The following WWP1 variants were observed in gnomAD, a reference collection of about 807,000 sequenced individuals.
The protein encoded by WWP1 is WW domain containing E3 ubiquitin protein ligase 1.
A neutral mutation model predicts 130.6 loss-of-function variants in WWP1; 49 were observed. The ratio of observed to expected loss-of-function variants is 0.38; its 90% confidence interval spans 0.30 to 0.48. The LOEUF (loss-of-function observed/expected upper bound fraction) is 0.48. WWP1 is among the 20% of genes least tolerant of loss of function. The pLI is 0.99. For synonymous variants in WWP1, 332 were observed against 367.8 expected, an observed-to-expected ratio of 0.90 and a Z score of 1.11; for missense variants, 809 against 1,100.6, an observed-to-expected ratio of 0.74 and a Z score of 3.75.
chr8:86,413,404 A>T (rs1808698309), intron 9 of WWP1, among the ~76,000 whole-genome samples: 1 of 152,144 alleles, frequency 6.6e-6, no homozygotes, highest in South Asian at 2.1e-4. Context: ...AGGGGAAGAG[A>T]AGTAGACAAT....
chr8:86,358,137 A>G (rs1277388627), intron 1 of WWP1, among the ~76,000 whole-genome samples: 1 of 152,206 alleles, frequency 6.6e-6, no homozygotes, highest in Non-Finnish European at 1.5e-5. Flanking sequence ...TTGAGTATTT[A>G]ATAAGTCAAA....
At chr8:86,386,346 C>T (rs1825284833) in intron 5 of WWP1, among the ~76,000 whole-genome samples, 1 of 152,090 alleles carries the variant, frequency 6.6e-6, no homozygotes, top group South Asian at 2.1e-4. Flanking sequence ...GAGTTCAAGG[C>T]TGCAGTGAAC....
intron 1 of WWP1, among the ~76,000 whole-genome samples, chr8:86,347,312 T>C (rs1431200836): frequency 6.6e-6 from 1 of 152,228 alleles, no homozygotes; most frequent in South Asian, 2.1e-4. Flanking sequence ...ATGAATATGC[T>C]GAGGCTAAAA....
chr8:86,371,903 G>T (rs1053388427), intron 2 of WWP1, among the ~76,000 whole-genome samples: 1 of 151,380 alleles, frequency 6.6e-6, no homozygotes, highest in Non-Finnish European at 1.5e-5. Flanking sequence ...GTGTAGTGAC[G>T]TGACCTCAGC....
intron 18 of WWP1, among the ~76,000 whole-genome samples, chr8:86,446,049 T>C (rs951487561): frequency 2.8e-5 from 4 of 143,150 alleles, no homozygotes; most frequent in African/African-American, 1.0e-4. Context: ...TGGCATGATC[T>C]CAGCTCACTG....
intron 5 of WWP1, among the ~76,000 whole-genome samples, chr8:86,385,269 G>C (rs950659339): frequency 2.0e-5 from 3 of 152,180 alleles, no homozygotes; most frequent in Non-Finnish European, 4.4e-5. Flanking sequence ...GGCTCCAGTG[G>C]AGGGATGTTC....
At chr8:86,439,834 C>G (rs1290325915) in intron 17 of WWP1, among the ~76,000 whole-genome samples, 1 of 152,138 alleles carries the variant, frequency 6.6e-6, no homozygotes, top group East Asian at 1.9e-4. Context: ...AGAATTCAAA[C>G]TTGCTTTTCA....
Position 86,467,565 on chromosome 8 carries a change from C to CTAT in WWP1, c.*674_*676dup, listed in dbSNP as rs1482890508. Reference sequence around the variant, plus strand: ...TGAAAGTCATATACTAGATCCAATACTATTTAGTTTATTATCGAAATTGGA... The same window carrying CTAT: ...TGAAAGTCATATACTAGATCCAATACTATTATTTAGTTTATTATCGAAATTGGA... On this transcript the variant is annotated 3_prime_UTR_variant, in exon 25 of 25. Coordinates refer to ENST00000517970, the MANE Select transcript of WWP1 (RefSeq NM_007013.4). The CTAT allele has an allele frequency of 1.3e-5, 2 of 152,146 alleles. No individual in the cohort carries two copies. The highest frequency in any genetic ancestry group is 2.9e-5 in the Non-Finnish European group (2 of 67,950). 9.4% of individuals were successfully genotyped at this position (152,146 alleles called of 1,614,324 possible). A position where few individuals can be genotyped will look rare whatever the true frequency, so the allele number is the denominator to read the frequency against.
chr8:86,435,485 C>T lies in WWP1; in HGVS notation c.1635C>T (p.Arg545=), dbSNP rs139712565. The T allele has an allele frequency of 1.2e-5, 19 of 1,614,054 alleles. No individual in the cohort carries two copies. The highest frequency in any genetic ancestry group is 9.9e-5 in the South Asian group (9 of 91,070). Residue 545 remains arginine, a synonymous_variant, in exon 15 of 25, where the codon CGC becomes CGT. Transcript: ENST00000517970. The part of the protein sequence containing the change: ...TKGGPQIAYE[R]GFRWKLAHFR... ...GTGGTCCACAAATTGCTTATGAACGCGGCTTTAGGTGGAAGCTTGCTCACT... is the reference window on the plus strand; with the variant it reads ...GTGGTCCACAAATTGCTTATGAACGTGGCTTTAGGTGGAAGCTTGCTCACT...
chr8:86,431,720 T>G lies in WWP1; in HGVS notation c.1578T>G (p.Asp526Glu). The G allele has an allele frequency of 1.2e-6, 2 of 1,613,908 alleles. No homozygotes were observed. The highest frequency in any genetic ancestry group is 1.7e-6 in the Non-Finnish European group (2 of 1,179,886). ...DHNTRTTTFK[D>E]PRNGKSSVTK... Reference sequence around the variant, plus strand: ...ACACAAGAACAACAACATTCAAAGATCCTCGCAATGGGAAGTCATCTGTGT... The same window carrying G: ...ACACAAGAACAACAACATTCAAAGAGCCTCGCAATGGGAAGTCATCTGTGT... Residue 526 changes from aspartate to glutamate, a missense_variant, in exon 14 of 25, where the codon GAT (aspartate) becomes GAG (glutamate). Asp to Glu is a conservative substitution (Grantham distance 45). This residue lies in a region of WWP1 where 450 missense variants were observed against 674.2 expected (regional missense o/e 0.67). Coordinates refer to ENST00000517970, the MANE Select transcript of WWP1 (RefSeq NM_007013.4).
chr8:86,412,734 GC>G (rs1808657759), intron 9 of WWP1, among the ~76,000 whole-genome samples: 1 of 145,650 alleles, frequency 6.9e-6, no homozygotes. Flanking sequence ...TTTTCTCAGT[GC>G]CCTTTACTGG....
intron 22 of WWP1, among the ~76,000 whole-genome samples, chr8:86,460,227 G>T (rs1488689655): frequency 6.6e-6 from 1 of 152,138 alleles, no homozygotes; most frequent in Non-Finnish European, 1.5e-5. Context: ...TAGGAAAATG[G>T]TGTTTCATGG....
intron 1 of WWP1, among the ~76,000 whole-genome samples, chr8:86,349,294 C>T (rs1034218843): frequency 2.6e-5 from 4 of 152,238 alleles, no homozygotes; most frequent in African/African-American, 9.6e-5. Context: ...GCTGGGATTA[C>T]AGGCGTGAGC....
intron 1 of WWP1, among the ~76,000 whole-genome samples, chr8:86,352,953 A>G (rs1288040612): frequency 6.6e-6 from 1 of 152,224 alleles, no homozygotes; most frequent in East Asian, 1.9e-4. Flanking sequence ...AATGCCTACT[A>G]AAAGTTAAGC....
At chr8:86,457,691 T>G (rs534824980) in intron 21 of WWP1, among the ~76,000 whole-genome samples, 1 of 152,244 alleles carries the variant, frequency 6.6e-6, no homozygotes, top group African/African-American at 2.4e-5. Flanking sequence ...ATACTCTAAA[T>G]GCGGTTTTTG....
chr8:86,454,339 A>G (rs954327952), intron 21 of WWP1, among the ~76,000 whole-genome samples: 17 of 151,680 alleles, frequency 1.1e-4, no homozygotes, highest in African/African-American at 3.6e-4. Context: ...AATATTTTCA[A>G]TCTACCATTG....
chr8:86,411,935 T>A, intron 9 of WWP1, 61 bp downstream of exon 9: 1 of 1,406,400 alleles, frequency 7.1e-7, no homozygotes, highest in Non-Finnish European at 9.7e-7. Flanking sequence ...AACATACGAT[T>A]ATTGAATGTG....
intron 17 of WWP1, chr8:86,440,876 G>C (rs920891852): frequency 4.2e-6 from 1 of 239,492 alleles, no homozygotes; most frequent in African/African-American, 2.3e-5. Context: ...ACGTTTTGCT[G>C]CTTCTAATGT....
At chr8:86,438,561 A>G (rs914044431) in intron 16 of WWP1, 24 bp from the exon 17 acceptor site, 9 of 1,547,054 alleles carry the variant, frequency 5.8e-6, no homozygotes, top group Non-Finnish European at 7.9e-6. Context: ...AGTATTTAAT[A>G]TTCATGTTTT....
Sources: gnomAD v4.1 joint callset for allele counts (sites outside exome capture counted in the v4.1 genomes callset) on GRCh38, gnomAD v4.1.1 for gene constraint, gnomAD v4.1.1 regional missense constraint, MANE v1.5 for transcripts, NCBI Gene and HGNC (gene_info 2026-07-23, HGNC 2026-07-21) for gene names.